The following TLE1 variants were observed in gnomAD, a reference collection of about 807,000 sequenced individuals.
TLE1 encodes the protein TLE family member 1, transcriptional corepressor, also known as transducin-like enhancer protein 1.
Under a neutral mutation model 89.8 loss-of-function variants are expected in TLE1, and 21 were observed. The ratio of observed to expected loss-of-function variants is 0.23; its 90% CI spans 0.17 to 0.34. TLE1 has a LOEUF of 0.34. Among genes scored for constraint, TLE1 ranks in the 10% least tolerant of loss-of-function variants. The pLI, the probability that TLE1 is intolerant of heterozygous loss-of-function variation, is 1.00. For missense variants in TLE1, 795 were observed against 1,031.2 expected (o/e 0.77, Z 3.14); for synonymous variants, 447 against 407.6 (o/e 1.10, Z -1.16).
In TLE1 at chr9:81,685,871, C is replaced by A; in HGVS notation, c.151G>T (p.Ala51Ser). 1 of 1,613,630 alleles carries A rather than the reference C, an allele frequency of 6.2e-7. No individual in the cohort carries two copies. The highest frequency in any genetic ancestry group is 8.5e-7 in the Non-Finnish European group (1 of 1,179,992). ...HSLKLECEKL[A>S]SEKTEMQRHY... ...CTCTGCATTTCTGTCTTTTCACTTG[C>A]CAGTTTCTCACATTCCAATTTAAGG... Residue 51 changes from alanine (A) to serine (S), a missense_variant, in exon 3 of 20, where the codon GCA becomes TCA. Transcript: ENST00000376499.
chr9:81,620,998 C>A (rs953905765), intron 8 of TLE1: 4 of 401,506 alleles, frequency 1.0e-5, no homozygotes, highest in South Asian at 5.8e-5. Flanking sequence ...ACAAAGGAAG[C>A]GGTGGGATTA....
At chr9:81,681,681 G>A (rs1234159759) in intron 4 of TLE1, among the ~76,000 whole-genome samples, 1 of 152,164 alleles carries the variant, frequency 6.6e-6, no homozygotes, top group Non-Finnish European at 1.5e-5. Flanking sequence ...GTCTCCACCA[G>A]GATTCCTGAC....
chr9:81,632,722 G>A (rs181881247), intron 8 of TLE1, among the ~76,000 whole-genome samples: 22 of 152,012 alleles, frequency 1.4e-4, no homozygotes, highest in Admixed American at 3.9e-4. Flanking sequence ...TGAACTCTAC[G>A]CACACAGCCC....
rs577470517 is a variant in TLE1 at position 81,590,812 on chromosome 9, G to T, written c.1822C>A (p.Leu608Ile). The change falls in exon 16 of 20, where the codon CTA becomes ATA. Residue 608 changes from leucine (L) to isoleucine (I), a missense_variant. Around this residue, in one of 4 missense-constraint regions of TLE1, gnomAD observed 214 missense variants for 354.9 expected, o/e 0.60. Transcript: ENST00000376499. ...IAVWDLHNQT[L>I]VRQFQGHTDG... ...ACGACCATCTTTGCTCACCTCACTA[G>T]TGTCTGGTTGTGCAGATCCCACACA... The T allele has an allele frequency of 6.2e-7, 1 of 1,613,810 alleles. No individual in the cohort carries two copies.
At chr9:81,604,282 C>T (rs1018203533) in intron 14 of TLE1, among the ~76,000 whole-genome samples, 3 of 152,134 alleles carry the variant, frequency 2.0e-5, no homozygotes, top group African/African-American at 7.2e-5. Context: ...TCAATAAAAT[C>T]TGTGAAAGTG....
intron 8 of TLE1, among the ~76,000 whole-genome samples, chr9:81,632,005 G>T (rs755990174): frequency 1.3e-5 from 2 of 152,046 alleles, no homozygotes; most frequent in Non-Finnish European, 2.9e-5. Flanking sequence ...CAGAAAAATC[G>T]CTTGAACCCA....
Position 81,688,591 on chromosome 9 carries a change from C to T in TLE1, c.-351G>A, listed in dbSNP as rs946797339. 1.1e-5 allele frequency: 3 copies of T among 267,360 alleles called. No individual in the cohort carries two copies. Among genetic ancestry groups the T allele is most frequent in the Non-Finnish European group, 2.1e-5 (3 of 143,864 alleles). The allele number at this position is 267,360 out of a possible 1,614,324, so 16.6% of individuals were successfully genotyped here. ...GGGCGGGGAGGCGGGGGCGCGGTGACTCCGACCGCACTCCCCTCGGCGATC... is the reference window on the plus strand; with the variant it reads ...GGGCGGGGAGGCGGGGGCGCGGTGATTCCGACCGCACTCCCCTCGGCGATC... On this transcript the variant is annotated 5_prime_UTR_variant, in exon 1 of 20. Coordinates refer to ENST00000376499, the MANE Select transcript of TLE1 (RefSeq NM_005077.5).
chr9:81,584,100 T>TA lies in TLE1; in HGVS notation c.*97dup. 1 of 1,097,874 alleles carries TA rather than the reference T, an allele frequency of 9.1e-7. No individual in the cohort carries two copies. The highest frequency in any genetic ancestry group is 1.4e-6 in the Non-Finnish European group (1 of 737,718). 68.0% of individuals were successfully genotyped at this position (1,097,874 alleles called of 1,614,324 possible). A position where few individuals can be genotyped will look rare whatever the true frequency, so the allele number is the denominator to read the frequency against. On this transcript the variant is annotated 3_prime_UTR_variant, in exon 20 of 20. Transcript: ENST00000376499. ...GTCAAGGTTTGGAAACAGGTGTTTG[T>TA]AATTTTTTTTCTCTTTTAAAGTTAC...
At chr9:81,617,825 A>C (rs769286245) in intron 9 of TLE1, among the ~76,000 whole-genome samples, 1 of 152,206 alleles carries the variant, frequency 6.6e-6, no homozygotes, top group Non-Finnish European at 1.5e-5. Context: ...GGAGCTCGAG[A>C]CCAGCCTGGA....
intron 4 of TLE1, among the ~76,000 whole-genome samples, chr9:81,681,646 G>C (rs1437331742): frequency 6.6e-6 from 1 of 152,048 alleles, no homozygotes; most frequent in African/African-American, 2.4e-5. Flanking sequence ...CAAAGTGACT[G>C]ATCAAACTCC....
chr9:81,654,136 T>C, intron 4 of TLE1, 100 bp from the exon 5 acceptor site: 1 of 1,063,952 alleles, frequency 9.4e-7, no homozygotes, highest in Non-Finnish European at 1.4e-6. Context: ...TCTCCCTTGC[T>C]CTGGAAATGT....
At chr9:81,687,517 G>A (rs1441049676) in intron 1 of TLE1, 83 bp from the exon 2 acceptor site, 9 of 1,040,926 alleles carry the variant, frequency 8.6e-6, no homozygotes, top group East Asian at 2.5e-5. Context: ...GCAAGAACGG[G>A]TGGGACATAA....
chr9:81,596,217 C>T (rs1265141910), intron 14 of TLE1, among the ~76,000 whole-genome samples: 1 of 152,194 alleles, frequency 6.6e-6, no homozygotes, highest in East Asian at 1.9e-4. Context: ...GGCCTGCGAT[C>T]ATCATATGGA....
At chr9:81,670,823 G>A (rs1043854778) in intron 4 of TLE1, among the ~76,000 whole-genome samples, 1 of 151,702 alleles carries the variant, frequency 6.6e-6, no homozygotes, top group Non-Finnish European at 1.5e-5. Flanking sequence ...CACTGACATT[G>A]ATCTGTCTGG....
intron 4 of TLE1, among the ~76,000 whole-genome samples, chr9:81,684,513 C>G (rs1216963952): frequency 6.6e-6 from 1 of 152,136 alleles, no homozygotes; most frequent in Non-Finnish European, 1.5e-5. Context: ...TGCGGAGTTA[C>G]AAAAGCAGAA....
intron 5 of TLE1, 147 bp downstream of exon 5, chr9:81,653,827 T>G: frequency 1.5e-6 from 1 of 661,104 alleles, no homozygotes; most frequent in South Asian, 1.9e-5. Context: ...ATGTGTTGGA[T>G]AGACTAGCAG....
chr9:81,623,736 G>A (rs1376417645), intron 8 of TLE1, among the ~76,000 whole-genome samples: 2 of 151,946 alleles, frequency 1.3e-5, no homozygotes, highest in Admixed American at 6.6e-5. Flanking sequence ...GTTGCAATGA[G>A]CAGAGATCGT....
At chr9:81,664,757 A>T (rs1831247605) in intron 4 of TLE1, among the ~76,000 whole-genome samples, 1 of 152,040 alleles carries the variant, frequency 6.6e-6, no homozygotes, top group African/African-American at 2.4e-5. Flanking sequence ...TATAATGGTT[A>T]GTGAGGTTAT....
intron 4 of TLE1, among the ~76,000 whole-genome samples, chr9:81,682,111 G>C (rs578172487): frequency 6.6e-6 from 1 of 151,942 alleles, no homozygotes; most frequent in Non-Finnish European, 1.5e-5. Context: ...AAAGTTAGCC[G>C]GGCATGGTGG....
Sources: allele counts gnomAD v4.1 joint callset (sites outside exome capture counted in the v4.1 genomes callset), GRCh38; gene constraint gnomAD v4.1.1; regional missense constraint gnomAD v4.1.1; transcripts MANE v1.5; gene names NCBI Gene and HGNC (gene_info 2026-07-23, HGNC 2026-07-21).